The following KIF17 variants were observed in gnomAD, a reference collection of about 807,000 sequenced individuals.
The protein encoded by KIF17 is kinesin family member 17, also known as kinesin-like protein KIF17.
KIF17 carries 80 observed loss-of-function variants against 96.8 expected under a neutral mutation model. That is an observed-to-expected ratio of 0.83 (90% confidence interval 0.69 to 1.00). KIF17 has a LOEUF of 1.00. Ranked by LOEUF, KIF17 falls within the 50% of genes least tolerant of loss-of-function variation. The pLI, the probability that KIF17 is intolerant of heterozygous loss-of-function variation, is 0.00. For synonymous variants in KIF17, 567 were observed against 587.5 expected (o/e 0.97, Z 0.51); for missense variants, 1,280 against 1,372.9 (o/e 0.93, Z 1.07).
rs116775048 is a variant in KIF17, at chr1:20,695,744, G to A, written c.1233+2635C>T. ...CTCCAGGACCTTGTGCTTGCAATCC[G>A]CCCCCTCCTTCCTATAACCTCGACT... On this transcript the variant is annotated intron_variant, in intron 6 of 14. Transcript: ENST00000400463. 4.1e-3 allele frequency among the ~76,000 whole-genome samples: 622 copies of A among 152,116 alleles called. 3 individuals carry two copies. Among genetic ancestry groups the A allele is most frequent in the African/African-American group, 0.014 (591 of 41,486 alleles).
intron 7 of KIF17, among the ~76,000 whole-genome samples, chr1:20,688,533 A>C (rs1395733229): frequency 1.3e-5 from 2 of 152,146 alleles, no homozygotes; most frequent in Non-Finnish European, 2.9e-5. Flanking sequence ...TGACCTCCAC[A>C]GCCACTGAGT....
chr1:20,706,819 G>A (rs2054350638), intron 4 of KIF17, among the ~76,000 whole-genome samples: 1 of 151,522 alleles, frequency 6.6e-6, no homozygotes, highest in African/African-American at 2.4e-5. Context: ...AGCCTAGGAG[G>A]TTAAGGTTGC....
intron 11 of KIF17, among the ~76,000 whole-genome samples, chr1:20,678,219 C>A (rs1570439787): frequency 6.6e-6 from 1 of 152,106 alleles, no homozygotes; most frequent in East Asian, 1.9e-4. Flanking sequence ...CATCAGATCT[C>A]ATGAAACTTA....
rs3077930 is a variant in KIF17, at chr1:20,707,787, A to ATGTGTGTGTGTGTGTGTGTGTGTGTGTG, written c.670+1824_670+1851dup. The stretch of plus-strand genomic sequence containing the variant: ...CAAAAAAAAAAACAAACCAATGTGT[A>ATGTGTGTGTGTGTGTGTGTGTGTGTGTG]TGTGTGTGTGTGTGTGTGTGTGTGT... On this transcript the variant is annotated intron_variant, in intron 4 of 14. Transcript: ENST00000400463. 7.9e-4 allele frequency among the ~76,000 whole-genome samples: 99 copies of ATGTGTGTGTGTGTGTGTGTGTGTGTGTG among 124,558 alleles called. 1 individual carries two copies. The highest frequency in any genetic ancestry group is 3.1e-3 in the African/African-American group (94 of 30,532). The allele number at this position is 124,558 out of a possible 152,430, so 81.7% of individuals were successfully genotyped here.
At chr1:20,714,541 A>C (rs1369888140) in intron 2 of KIF17, among the ~76,000 whole-genome samples, 11 of 151,866 alleles carry the variant, frequency 7.2e-5, no homozygotes, top group Non-Finnish European at 1.5e-5. Flanking sequence ...TGACACCTGT[A>C]ATCCCAACAC....
intron 2 of KIF17, among the ~76,000 whole-genome samples, chr1:20,714,415 G>A (rs921881842): frequency 1.8e-4 from 28 of 152,146 alleles, no homozygotes; most frequent in Admixed American, 1.2e-3. Flanking sequence ...GCTCGAACCC[G>A]GGAGGCAGAG....
intron 5 of KIF17, among the ~76,000 whole-genome samples, chr1:20,702,988 G>A (rs1275434197): frequency 6.6e-6 from 1 of 152,178 alleles, no homozygotes; most frequent in Non-Finnish European, 1.5e-5. Context: ...AACCTTCAGT[G>A]GATAGATGGG....
chr1:20,678,515 G>C (rs1381332450), intron 11 of KIF17, among the ~76,000 whole-genome samples: 1 of 152,136 alleles, frequency 6.6e-6, no homozygotes, highest in Non-Finnish European at 1.5e-5. Context: ...AAAACATGCA[G>C]AAGAACCAGG....
At position 20,703,170 on chromosome 1, in the gene KIF17, G is replaced by GATGGATGGATGGATGGATGGATGGATGA. The variant is rs543397456; in HGVS notation, c.1123+1276_1123+1277insTCATCCATCCATCCATCCATCCATCCAT. 2.1e-5 allele frequency among the ~76,000 whole-genome samples: 3 copies of GATGGATGGATGGATGGATGGATGGATGA among 145,088 alleles called. No individual in the cohort carries two copies. In the South Asian group the frequency reaches 6.4e-4, roughly 31 times the overall value. ...GTAGATAGAAGGAAGGATGGAGATG[G>GATGGATGGATGGATGGATGGATGGATGA]ATGGATGAATGGATGGACGGATGGA... On this transcript the variant is annotated intron_variant, in intron 5 of 14. Transcript: ENST00000400463.
intron 1 of KIF17, among the ~76,000 whole-genome samples, chr1:20,717,146 T>C (rs1309150274): frequency 1.3e-5 from 2 of 152,162 alleles, no homozygotes; most frequent in Non-Finnish European, 2.9e-5. Context: ...CTGGCCAACA[T>C]GGTGAAACCC....
chr1:20,685,130 G>C lies in KIF17; in HGVS notation c.2020-110C>G. On this transcript the variant is annotated intron_variant, in intron 9 of 14. Coordinates refer to ENST00000400463, the MANE Select transcript of KIF17 (RefSeq NM_001122819.3). This position sits in a 1 kb window ranked among gnomAD's most constrained non-coding sequence, Gnocchi z 4.1. ...GGGCCATTCCGCCTGCTGCAGCCCC[G>C]ACAGATCACCTCCAGCTCAGGGACA... 1 of 809,544 alleles carries C rather than the reference G, an allele frequency of 1.2e-6. No individual in the cohort carries two copies. Among genetic ancestry groups the C allele is most frequent in the African/African-American group, 1.7e-5 (1 of 57,270 alleles). 50.1% of individuals were successfully genotyped at this position (809,544 alleles called of 1,614,324 possible).
chr1:20,665,394 A>ATTTTTTT (rs33986427), intron 14 of KIF17, among the ~76,000 whole-genome samples: 2 of 80,886 alleles, frequency 2.5e-5, no homozygotes, highest in African/African-American at 5.2e-5. Context: ...TACCCAGCTA[A>ATTTTTTT]TTTTTTTTTT....
intron 1 of KIF17, 98 bp from the exon 2 acceptor site, chr1:20,715,737 T>TC: frequency 2.1e-6 from 3 of 1,414,696 alleles, no homozygotes; most frequent in Non-Finnish European, 2.0e-6. Context: ...CCCTTCCTGG[T>TC]CCCCCCACCA....
rs34690865 is a variant in KIF17, at chr1:20,700,896, C to A, written c.1124-2408G>T. 0.067 allele frequency among the ~76,000 whole-genome samples: 10,247 copies of A among 152,214 alleles called. 563 individuals are homozygous for A. The highest frequency in any genetic ancestry group is 0.15 in the African/African-American group (6,264 of 41,530). On this transcript the variant is annotated intron_variant, in intron 5 of 14. Transcript: ENST00000400463. This position sits in a 1 kb window ranked among gnomAD's most constrained non-coding sequence, Gnocchi z 4.6. ...ACCAGGAACAGCCCCTCAACCCCAA[C>A]GCCCACCAGAATTATTCAGATCAGC...
chr1:20,717,404 G>C (rs2054597138), intron 1 of KIF17, 72 bp downstream of exon 1: 1 of 1,555,576 alleles, frequency 6.4e-7, no homozygotes, highest in African/African-American at 1.4e-5. Context: ...GGGGGGCAGC[G>C]CAGCCCCCTG....
At chr1:20,686,824 G>A (rs781692624) in intron 8 of KIF17, among the ~76,000 whole-genome samples, 7 of 152,238 alleles carry the variant, frequency 4.6e-5, no homozygotes, top group Non-Finnish European at 7.3e-5. Context: ...GTCTCCCAAA[G>A]TTCTGGGATT....
At chr1:20,713,579 C>T in intron 2 of KIF17, 24 bp from the exon 3 acceptor site, 2 of 1,584,584 alleles carry the variant, frequency 1.3e-6, no homozygotes, top group Non-Finnish European at 1.7e-6. Context: ...ACAGAAAGAA[C>T]CTAGACCTCA....
At position 20,704,562 on chromosome 1, in the gene KIF17, C is replaced by G. The variant is rs762341534; in HGVS notation, c.1008G>C (p.Arg336Ser). Residue 336 changes from arginine to serine, a missense_variant, in exon 5 of 15, where the codon AGG (arginine) becomes AGC (serine). Physicochemically the swap from Arg to Ser is moderately radical, Grantham distance 110. Coordinates refer to ENST00000400463, the MANE Select transcript of KIF17 (RefSeq NM_001122819.3). The surrounding 1 kb of genome is among the most constrained non-coding windows in gnomAD (Gnocchi z 6.8). ...GGTCCTCATTGATGCGCGGCTTGTT[C>G]CTGATGTTCTTGGCCCGGTTGGCGT... ...LRYANRAKNI[R>S]NKPRINEDPK... 6.2e-7 allele frequency: 1 copy of G among 1,614,204 alleles called. No homozygotes were observed. Among genetic ancestry groups the G allele is most frequent in the South Asian group, 1.1e-5 (1 of 91,086 alleles).
intron 2 of KIF17, 106 bp from the exon 3 acceptor site, chr1:20,713,661 G>A (rs2054523502): frequency 2.4e-6 from 2 of 816,378 alleles, no homozygotes; most frequent in Admixed American, 2.0e-5. Flanking sequence ...CATCATGGGA[G>A]GAGAAGGGAC....
Sources: gnomAD v4.1 joint callset for allele counts (sites outside exome capture counted in the v4.1 genomes callset) on GRCh38, gnomAD v4.1.1 for gene constraint, Gnocchi (gnomAD v3.1) non-coding constraint, MANE v1.5 for transcripts, NCBI Gene and HGNC (gene_info 2026-07-23, HGNC 2026-07-21) for gene names.